TNFSF4: variants seen among roughly 807,000 people sequenced by gnomAD.
The protein encoded by TNFSF4 is TNF superfamily member 4.
Under a neutral mutation model 7.3 loss-of-function variants are expected in TNFSF4, and 4 were observed. That is an observed-to-expected ratio of 0.55 (90% CI 0.27 to 1.25). The LOEUF (loss-of-function observed/expected upper bound fraction) is 1.25, where lower values mean the gene tolerates loss of function less well. Among genes scored for constraint, TNFSF4 ranks in the 50% most tolerant of loss-of-function variants. TNFSF4 has a pLI of 0.12. For missense variants in TNFSF4, 181 were observed against 208.8 expected, an observed-to-expected ratio of 0.87 and a Z score of 0.82; for synonymous variants, 76 against 83.7, an observed-to-expected ratio of 0.91 and a Z score of 0.50.
chr1:173,277,693 C>T, the TNFSF4 span, among the ~76,000 whole-genome samples: 60 of 152,202 alleles, frequency 3.9e-4, 1 homozygote, highest in Non-Finnish European at 7.4e-4. Context: ...CCAGGCAATG[C>T]TAATAATAAT....
intron 1 of TNFSF4, among the ~76,000 whole-genome samples, chr1:173,193,591 G>GA (rs947707850): frequency 1.3e-5 from 2 of 151,960 alleles, no homozygotes; most frequent in Admixed American, 6.5e-5. Context: ...CGAATTTGAA[G>GA]AAAAAAATTC....
chr1:173,188,550 C>A lies in TNFSF4; in HGVS notation c.173G>T (p.Arg58Leu). ...SALQVSHRYPRIQSIKVQFTE... is the reference protein window; with the variant it reads ...SALQVSHRYPLIQSIKVQFTE... Reference sequence around the variant, plus strand: ...AAATTGTACTTTGATACTTTGAATTCGAGGATACCGATGTGATACCTGAGG... The same window carrying A: ...AAATTGTACTTTGATACTTTGAATTAGAGGATACCGATGTGATACCTGAGG... Residue 58 changes from arginine to leucine, a missense_variant, in exon 2 of 3, where the codon CGA becomes CTA. Physicochemically the swap from Arg to Leu is moderately radical, Grantham distance 102. Coordinates refer to ENST00000281834, the MANE Select transcript of TNFSF4 (RefSeq NM_003326.5). The A allele has an allele frequency of 6.2e-7, 1 of 1,612,096 alleles. No individual in the cohort carries two copies. The highest frequency in any genetic ancestry group is 8.5e-7 in the Non-Finnish European group (1 of 1,178,580).
At chr1:173,232,525 G>A in the TNFSF4 span, among the ~76,000 whole-genome samples, 1 of 152,184 alleles carries the variant, frequency 6.6e-6, no homozygotes. Flanking sequence ...AGTGGTGAGA[G>A]AGGGCATCCC....
At chr1:173,387,727 G>A in the TNFSF4 span, among the ~76,000 whole-genome samples, 1 of 152,112 alleles carries the variant, frequency 6.6e-6, no homozygotes, top group East Asian at 1.9e-4. Flanking sequence ...GAGCTGAGAA[G>A]AAGATATTTT....
In TNFSF4 at chr1:173,186,244, C is replaced by T; in HGVS notation, c.*272G>A. 5.9e-6 allele frequency: 2 copies of T among 341,018 alleles called. No homozygotes were observed. The highest frequency in any genetic ancestry group is 5.3e-6 in the Non-Finnish European group (1 of 187,928). 21.1% of individuals were successfully genotyped at this position (341,018 alleles called of 1,614,324 possible). On this transcript the variant is annotated 3_prime_UTR_variant, in exon 3 of 3. Coordinates refer to ENST00000281834, the MANE Select transcript of TNFSF4 (RefSeq NM_003326.5). The stretch of plus-strand genomic sequence containing the variant: ...AAGAAGAGGCATCTATTTTTTCTTT[C>T]TCACAAAGGTGCCTAGTAGGCTCAA...
chr1:173,353,794 A>T, the TNFSF4 span, among the ~76,000 whole-genome samples: 4 of 152,220 alleles, frequency 2.6e-5, no homozygotes, highest in Non-Finnish European at 4.4e-5. Context: ...TCTTTGGAGG[A>T]AAATGTATGC....
chr1:173,294,388 T>C, the TNFSF4 span, among the ~76,000 whole-genome samples: 2 of 151,888 alleles, frequency 1.3e-5, no homozygotes, highest in Admixed American at 1.3e-4. Flanking sequence ...CACTTACGAG[T>C]AGGAGTTAAA....
the TNFSF4 span, among the ~76,000 whole-genome samples, chr1:173,347,252 C>T: frequency 6.6e-6 from 1 of 152,190 alleles, no homozygotes; most frequent in Non-Finnish European, 1.5e-5. Flanking sequence ...AATTGGCAGA[C>T]ATCTTATTTA....
At chr1:173,343,960 C>T in the TNFSF4 span, among the ~76,000 whole-genome samples, 1 of 152,194 alleles carries the variant, frequency 6.6e-6, no homozygotes, top group African/African-American at 2.4e-5. Context: ...ATGACAATAT[C>T]TGGCAACTTT....
the TNFSF4 span, among the ~76,000 whole-genome samples, chr1:173,450,574 G>A: frequency 6.6e-6 from 1 of 151,402 alleles, no homozygotes; most frequent in East Asian, 1.9e-4. Flanking sequence ...TAATAATATG[G>A]CATGATCAAG....
Position 173,207,132 on chromosome 1 carries a change from G to C in TNFSF4, c.45C>G (p.Ala15=). The C allele has an allele frequency of 6.2e-7, 1 of 1,613,788 alleles. No homozygotes were observed. The highest frequency in any genetic ancestry group is 8.5e-7 in the Non-Finnish European group (1 of 1,179,838). ...QPLEENVGNA[A]RPRFERNKLL... ...GCTTGTTCCTCTCGAATCTTGGCCT[G>C]GCTGCATTTCCCACATTCTCTTCCA... is the stretch of plus-strand genomic sequence containing the variant. Residue 15 remains alanine (A), a synonymous_variant, in exon 1 of 3, where the codon GCC becomes GCG. Coordinates refer to ENST00000281834, the MANE Select transcript of TNFSF4 (RefSeq NM_003326.5).
At chr1:173,391,310 G>GTCTCTCTCTCTCTC in the TNFSF4 span, among the ~76,000 whole-genome samples, 92 of 132,378 alleles carry the variant, frequency 6.9e-4, no homozygotes, top group Non-Finnish European at 8.3e-4. Context: ...CTTTCTTTCT[G>GTCTCTCTCTCTCTC]TCTCTCTCTC....
downstream of TNFSF4, among the ~76,000 whole-genome samples, chr1:173,181,750 G>T (rs1649058249): frequency 6.6e-6 from 1 of 152,150 alleles, no homozygotes; most frequent in Non-Finnish European, 1.5e-5. Flanking sequence ...ATGGAGGGAA[G>T]GTAAGGCATT....
the TNFSF4 span, among the ~76,000 whole-genome samples, chr1:173,360,165 A>G: frequency 3.9e-5 from 6 of 152,372 alleles, no homozygotes; most frequent in African/African-American, 1.4e-4. Context: ...AGAGAACTAT[A>G]TCCATCTCCT....
chr1:173,444,515 T>G, the TNFSF4 span, among the ~76,000 whole-genome samples: 28 of 109,462 alleles, frequency 2.6e-4, no homozygotes, highest in Non-Finnish European at 5.6e-4. Flanking sequence ...AATTCTGGGT[T>G]TTTTTTTTAA....
chr1:173,230,988 G>C, the TNFSF4 span, among the ~76,000 whole-genome samples: 4 of 152,088 alleles, frequency 2.6e-5, no homozygotes, highest in African/African-American at 9.7e-5. Context: ...AGCACCAGAT[G>C]GATTCACAGC....
At chr1:173,290,344 A>T in the TNFSF4 span, among the ~76,000 whole-genome samples, 1 of 152,222 alleles carries the variant, frequency 6.6e-6, no homozygotes, top group Admixed American at 6.5e-5. Context: ...TCTTCAAGAG[A>T]TCCACCTCAC....
At position 173,185,875 on chromosome 1, in the gene TNFSF4, A is replaced by G. The variant is rs1443206661; in HGVS notation, c.*641T>C. The G allele has an allele frequency of 6.8e-6, 1 of 147,800 alleles. No individual in the cohort carries two copies. The highest frequency in any genetic ancestry group is 1.5e-5 in the Non-Finnish European group (1 of 65,224). 9.2% of individuals were successfully genotyped at this position (147,800 alleles called of 1,614,324 possible). ...TATGTTTGGAGGCTGGGAAAGCAAA[A>G]TGGTAAAGAAAAAAAGCACGTGGTA... On this transcript the variant is annotated 3_prime_UTR_variant, in exon 3 of 3. Coordinates refer to ENST00000281834, the MANE Select transcript of TNFSF4 (RefSeq NM_003326.5).
At chr1:173,179,155 G>A (rs10912556), downstream of TNFSF4, among the ~76,000 whole-genome samples, 37,240 of 152,066 alleles carry the variant, frequency 0.24, 6,861 homozygotes, top group African/African-American at 0.52. Context: ...CACTTCGTTC[G>A]TGGTAATTTT....
Sources: allele counts gnomAD v4.1 joint callset (sites outside exome capture counted in the v4.1 genomes callset), GRCh38; gene constraint gnomAD v4.1.1; transcripts MANE v1.5; gene names NCBI Gene and HGNC (gene_info 2026-07-23, HGNC 2026-07-21).